NCOA3: variants seen among roughly 807,000 people sequenced by gnomAD.
NCOA3 encodes the protein CBP-interacting protein.
In NCOA3, 51 loss-of-function variants were observed where a neutral mutation model predicts 158.8. That is an observed-to-expected ratio of 0.32 (90% CI 0.26 to 0.41). NCOA3 has a LOEUF of 0.41. Ranked by LOEUF, NCOA3 falls within the 10% of genes least tolerant of loss-of-function variation. The pLI, the probability that NCOA3 is intolerant of heterozygous loss-of-function variation, is 1.00. For missense variants in NCOA3, 1,510 were observed against 1,746.6 expected (o/e 0.86, Z 2.41); for synonymous variants, 537 against 592.4 (o/e 0.91, Z 1.36).
intron 1 of NCOA3, among the ~76,000 whole-genome samples, chr20:47,576,713 G>C (rs1427639058): frequency 6.6e-6 from 1 of 152,224 alleles, no homozygotes; most frequent in African/African-American, 2.4e-5. Flanking sequence ...CGAGGGGTCA[G>C]CATGCAGCCT....
At chr20:47,644,021 T>C (rs1014423163) in intron 17 of NCOA3, among the ~76,000 whole-genome samples, 1 of 152,100 alleles carries the variant, frequency 6.6e-6, no homozygotes, top group African/African-American at 2.4e-5. Context: ...TACACTGATA[T>C]TCCCTTTGGT....
intron 2 of NCOA3, among the ~76,000 whole-genome samples, chr20:47,596,800 C>G (rs548663840): frequency 5.3e-5 from 8 of 152,100 alleles, no homozygotes; most frequent in African/African-American, 1.7e-4. Flanking sequence ...AACATGTTGC[C>G]CAGGGTGGTC....
At chr20:47,645,272 C>T (rs754279889) in intron 17 of NCOA3, among the ~76,000 whole-genome samples, 2 of 152,030 alleles carry the variant, frequency 1.3e-5, no homozygotes, top group Admixed American at 6.6e-5. Flanking sequence ...ACAGGCCTTT[C>T]GGGAGTCAGG....
chr20:47,563,043 G>A (rs1353514693), intron 1 of NCOA3, among the ~76,000 whole-genome samples: 1 of 152,206 alleles, frequency 6.6e-6, no homozygotes, highest in Admixed American at 6.5e-5. Context: ...AACACGCCTG[G>A]CTAAAAGTAA....
intron 8 of NCOA3, 127 bp from the exon 9 acceptor site, chr20:47,633,369 G>T (rs2086454502): frequency 8.0e-6 from 7 of 871,844 alleles, no homozygotes; most frequent in South Asian, 7.6e-5. Flanking sequence ...TAGAAATTTG[G>T]ATCAGAGAAG....
At chr20:47,589,787 T>A (rs1035746497) in intron 2 of NCOA3, among the ~76,000 whole-genome samples, 2 of 152,114 alleles carry the variant, frequency 1.3e-5, no homozygotes, top group Non-Finnish European at 2.9e-5. Context: ...TTGGATGAAG[T>A]CATCTCTTGT....
intron 1 of NCOA3, among the ~76,000 whole-genome samples, chr20:47,560,886 A>C (rs1373281719): frequency 6.7e-6 from 1 of 149,618 alleles, no homozygotes; most frequent in African/African-American, 2.5e-5. Flanking sequence ...TACATTAATG[A>C]GTTCTTTTGT....
At chr20:47,508,339 T>G (rs1356116687) in intron 1 of NCOA3, among the ~76,000 whole-genome samples, 2 of 152,196 alleles carry the variant, frequency 1.3e-5, no homozygotes, top group Non-Finnish European at 2.9e-5. Context: ...TAAATAGATG[T>G]TCCATGAAGG....
In NCOA3 at chr20:47,558,232, A is replaced by ATTTTTTTTTTTTTTTTTT. The variant is rs71183263; in HGVS notation, c.-98-24939_-98-24922dup. Among the ~76,000 whole-genome samples the ATTTTTTTTTTTTTTTTTT allele has an allele frequency of 9.0e-5, 5 of 55,536 alleles. 1 individual carries two copies. Among genetic ancestry groups the ATTTTTTTTTTTTTTTTTT allele is most frequent in the African/African-American group, 3.2e-4 (5 of 15,468 alleles). 36.4% of individuals were successfully genotyped at this position (55,536 alleles called of 152,430 possible). On this transcript the variant is annotated intron_variant, in intron 1 of 22. Coordinates refer to ENST00000371998, the MANE Select transcript of NCOA3 (RefSeq NM_181659.3). ...CACCTCCACGCCCAGCTAATTTTGT[A>ATTTTTTTTTTTTTTTTTT]TTTTTTTTTTTTTTTTTTTTTTTTT...
intron 2 of NCOA3, among the ~76,000 whole-genome samples, chr20:47,615,484 C>A (rs1453009958): frequency 6.6e-6 from 1 of 152,144 alleles, no homozygotes; most frequent in African/African-American, 2.4e-5. Flanking sequence ...TTTTTCCCTC[C>A]TGTCTTAATC....
chr20:47,582,648 T>C (rs1191240348), intron 1 of NCOA3, among the ~76,000 whole-genome samples: 1 of 152,216 alleles, frequency 6.6e-6, no homozygotes, highest in East Asian at 1.9e-4. Flanking sequence ...ATTATAGGCA[T>C]GAGCCACTGC....
At chr20:47,528,797 G>A (rs930480713) in intron 1 of NCOA3, among the ~76,000 whole-genome samples, 2 of 152,084 alleles carry the variant, frequency 1.3e-5, no homozygotes, top group Non-Finnish European at 2.9e-5. Context: ...TTTTGAAACG[G>A]AGTTTCGCTT....
intron 2 of NCOA3, among the ~76,000 whole-genome samples, chr20:47,617,350 A>G (rs1408053482): frequency 1.3e-5 from 2 of 152,184 alleles, no homozygotes; most frequent in Non-Finnish European, 2.9e-5. Flanking sequence ...TATTCTCCAA[A>G]CTAGATGGGT....
intron 1 of NCOA3, among the ~76,000 whole-genome samples, chr20:47,560,616 T>C (rs1476221468): frequency 6.6e-6 from 1 of 152,224 alleles, no homozygotes; most frequent in Non-Finnish European, 1.5e-5. Flanking sequence ...TAGTATCTCA[T>C]TGTTTTAATT....
intron 17 of NCOA3, among the ~76,000 whole-genome samples, chr20:47,642,942 G>T (rs1157359935): frequency 1.3e-5 from 2 of 152,066 alleles, no homozygotes; most frequent in Non-Finnish European, 2.9e-5. Context: ...TCGGAGTCTC[G>T]CTCTGTCAAC....
intron 16 of NCOA3, among the ~76,000 whole-genome samples, chr20:47,640,281 A>G (rs1568749110): frequency 6.6e-6 from 1 of 152,224 alleles, no homozygotes; most frequent in South Asian, 2.1e-4. Context: ...TTGTCCAGCC[A>G]TTAGGGCCAT....
At chr20:47,622,591 C>T (rs1351094093) in intron 3 of NCOA3, among the ~76,000 whole-genome samples, 1 of 151,918 alleles carries the variant, frequency 6.6e-6, no homozygotes, top group African/African-American at 2.4e-5. Context: ...GTAGGAGTTA[C>T]GAATAGATGA....
intron 2 of NCOA3, among the ~76,000 whole-genome samples, chr20:47,609,836 A>G (rs1388121247): frequency 6.6e-6 from 1 of 151,644 alleles, no homozygotes; most frequent in Non-Finnish European, 1.5e-5. Flanking sequence ...TTAATGTTGT[A>G]TTTTAAATTG....
chr20:47,579,456 A>G (rs2085419430), intron 1 of NCOA3, among the ~76,000 whole-genome samples: 1 of 152,228 alleles, frequency 6.6e-6, no homozygotes, highest in African/African-American at 2.4e-5. Flanking sequence ...AAAAGGGATA[A>G]TCTTGTTTTT....
Sources: allele counts gnomAD v4.1 joint callset (sites outside exome capture counted in the v4.1 genomes callset), GRCh38; gene constraint gnomAD v4.1.1; transcripts MANE v1.5; gene names NCBI Gene and HGNC (gene_info 2026-07-23, HGNC 2026-07-21).